The following LCTL variants were observed in gnomAD, a reference collection of about 807,000 sequenced individuals.
LCTL encodes lactase-like protein.
A neutral mutation model predicts 75.8 loss-of-function variants in LCTL; 76 were observed. That is an observed-to-expected ratio of 1.00 (90% CI 0.83 to 1.21). The LOEUF is 1.21. Among genes scored for constraint, LCTL ranks in the 50% most tolerant of loss-of-function variants. LCTL has a pLI of 0.00. For missense variants in LCTL, 670 were observed against 712.4 expected, an observed-to-expected ratio of 0.94 and a Z score of 0.68; for synonymous variants, 271 against 268.8, an observed-to-expected ratio of 1.01 and a Z score of -0.08.
At chr15:66,563,479 G>A (rs377539054) in intron 4 of LCTL, 37 bp downstream of exon 5, 191 of 1,472,652 alleles carry the variant, frequency 1.3e-4, no homozygotes, top group Non-Finnish European at 1.6e-4. Context: ...GCTTAGTTGA[G>A]TCCCCTTTGG....
chr15:66,563,481 C>A, intron 4 of LCTL, 35 bp downstream of exon 5: 1 of 1,485,446 alleles, frequency 6.7e-7, no homozygotes, highest in South Asian at 1.1e-5. Context: ...TTAGTTGAGT[C>A]CCCTTTGGGC....
At chr15:66,565,466 G>T (rs74504977) in exon 1 of LCTL, 2 of 704,242 alleles carry the variant, frequency 2.8e-6, no homozygotes, top group East Asian at 2.8e-5. Context: ...AAGGCCAAGT[G>T]GGGAGAGGAA....
chr15:66,555,917 T>A (rs539213049), intron 8 of LCTL, among the ~76,000 whole-genome samples: 68 of 152,196 alleles, frequency 4.5e-4, no homozygotes, highest in Non-Finnish European at 8.8e-4. Context: ...AAGATGCTCT[T>A]ACTAATCATT....
chr15:66,564,604 C>T, intron 2 of LCTL, 72 bp downstream of exon 3: 1 of 1,520,918 alleles, frequency 6.6e-7, no homozygotes, highest in African/African-American at 1.4e-5. Context: ...CACTCCCTGC[C>T]TCCCAGCTAG....
chr15:66,558,633 C>A (rs1293593857), intron 6 of LCTL, among the ~76,000 whole-genome samples: 1 of 151,098 alleles, frequency 6.6e-6, no homozygotes, highest in Admixed American at 6.6e-5. Context: ...CCTACTGAAT[C>A]AGAAACTCAA....
chr15:66,562,863 C>T (rs749469621), intron 4 of LCTL, among the ~76,000 whole-genome samples: 10 of 152,130 alleles, frequency 6.6e-5, no homozygotes, highest in Non-Finnish European at 1.3e-4. Flanking sequence ...GGATTACAGG[C>T]GTGAGCCACT....
intron 2 of LCTL, 28 bp downstream of exon 3, chr15:66,564,648 C>T: frequency 6.2e-7 from 1 of 1,605,456 alleles, no homozygotes; most frequent in Non-Finnish European, 8.5e-7. Context: ...CGCGCGCGCA[C>T]ACACACACAC....
intron 3 of LCTL, 51 bp downstream of exon 4, chr15:66,563,860 C>T (rs943160239): frequency 1.4e-6 from 2 of 1,444,796 alleles, no homozygotes; most frequent in African/African-American, 1.4e-5. Flanking sequence ...GCAAAGCCAA[C>T]ATTGCCGGAA....
exon 5 of LCTL, chr15:66,561,193 A>G: frequency 1.2e-6 from 2 of 1,614,200 alleles, no homozygotes; most frequent in Non-Finnish European, 1.7e-6. Flanking sequence ...TTACCCGAGG[A>G]TCACTGAACG....
intron 1 of LCTL, 37 bp from the exon 3 acceptor site, chr15:66,564,876 C>G: frequency 6.3e-7 from 1 of 1,588,728 alleles, no homozygotes. Flanking sequence ...CCAGGTGCTC[C>G]CATGTGTCAC....
intron 11 of LCTL, among the ~76,000 whole-genome samples, chr15:66,550,476 ACT>A (rs1340595139): frequency 2.6e-5 from 4 of 152,010 alleles, no homozygotes; most frequent in Non-Finnish European, 4.4e-5. Flanking sequence ...TTATTAAGAC[ACT>A]CTATTTTATT....
intron 11 of LCTL, among the ~76,000 whole-genome samples, chr15:66,551,131 G>A (rs546948440): frequency 2.0e-4 from 31 of 151,642 alleles, no homozygotes; most frequent in Non-Finnish European, 3.1e-4. Context: ...GGCAGATCAC[G>A]AGGTCAAGAG....
intron 4 of LCTL, among the ~76,000 whole-genome samples, chr15:66,562,141 G>A (rs369063430): frequency 5.3e-5 from 8 of 152,276 alleles, no homozygotes; most frequent in Admixed American, 2.0e-4. Context: ...AGTGGCTCAC[G>A]CCTGTAATCC....
rs1409433509 is a variant in LCTL at position 66,557,847 on chromosome 15, TC to T, written c.796del (p.Glu266AsnfsTer11). 3.1e-6 allele frequency: 5 copies of T among 1,613,852 alleles called. No individual in the cohort carries two copies. The highest frequency in any genetic ancestry group is 4.5e-5 in the East Asian group (2 of 44,858). On this transcript the variant is annotated frameshift_variant, in exon 8 of 13. Transcript: ENST00000341509. LOFTEE classifies it high-confidence loss of function. ...CTTGGGGTTACTAATGTCCACAGGT[TC>T]CCCCCAGTCACAGTTCAATGAAATT...
intron 4 of LCTL, among the ~76,000 whole-genome samples, chr15:66,561,791 G>A (rs1470561571): frequency 6.6e-6 from 1 of 152,112 alleles, no homozygotes; most frequent in Non-Finnish European, 1.5e-5. Flanking sequence ...GGAAGAAGCT[G>A]GAAGGTTCAT....
Position 66,565,398 on chromosome 15 carries a change from G to A in LCTL, c.-33C>T, listed in dbSNP as rs1223443462. 2 of 1,412,572 alleles carry A rather than the reference G, an allele frequency of 1.4e-6. No individual in the cohort carries two copies. Among genetic ancestry groups the A allele is most frequent in the South Asian group, 2.4e-5 (2 of 82,656 alleles). The allele number at this position is 1,412,572 out of a possible 1,614,324, so 87.5% of individuals were successfully genotyped here. On this transcript the variant is annotated 5_prime_UTR_variant, in exon 1 of 13. Transcript: ENST00000341509. ...GGCCCTCCCCCATACCTGAAAAAGT[G>A]CAGCTGGCTCTGCAGGCCCCTGCAG... is the stretch of plus-strand genomic sequence containing the variant.
At chr15:66,551,985 A>G (rs1895616084) in intron 10 of LCTL, 58 bp downstream of exon 11, 5 of 1,580,392 alleles carry the variant, frequency 3.2e-6, no homozygotes, top group Middle Eastern at 2.2e-4. Context: ...TTGTGTGTTA[A>G]TCACATTTTG....
At chr15:66,552,791 T>A (rs1220690077) in intron 9 of LCTL, among the ~76,000 whole-genome samples, 193 bp downstream of exon 10, 1 of 152,160 alleles carries the variant, frequency 6.6e-6, no homozygotes, top group Non-Finnish European at 1.5e-5. Flanking sequence ...ATTTTTTAGC[T>A]AAAGTTATAT....
At chr15:66,561,708 C>T (rs552765013) in intron 4 of LCTL, among the ~76,000 whole-genome samples, 5 of 152,258 alleles carry the variant, frequency 3.3e-5, no homozygotes, top group South Asian at 4.2e-4. Context: ...GTCACTGTAT[C>T]GAGACTACCT....
Sources: allele counts gnomAD v4.1 joint callset (sites outside exome capture counted in the v4.1 genomes callset), GRCh38; gene constraint gnomAD v4.1.1; transcripts MANE v1.5; gene names NCBI Gene and HGNC (gene_info 2026-07-23, HGNC 2026-07-21).